MIER1: variants seen among roughly 807,000 people sequenced by gnomAD.
The protein encoded by MIER1 is mesoderm induction early response protein 1.
MIER1 carries 40 observed loss-of-function variants against 75.7 expected under a neutral mutation model. That is an observed-to-expected ratio of 0.53 (90% CI 0.41 to 0.69). MIER1 has a LOEUF of 0.69. Among genes scored for constraint, MIER1 ranks in the 30% least tolerant of loss-of-function variants. The pLI is 0.00. For missense variants in MIER1, 574 were observed against 680.2 expected, an observed-to-expected ratio of 0.84 and a Z score of 1.74; for synonymous variants, 213 against 223.4, an observed-to-expected ratio of 0.95 and a Z score of 0.42.
rs1264479567 is a variant in MIER1 at position 66,985,811 on chromosome 1, A to T, written c.*911A>T. The T allele has an allele frequency of 1.3e-5, 10 of 768,846 alleles. No individual in the cohort carries two copies. In the African/African-American group the frequency reaches 2.4e-4, roughly 19 times the overall value. 47.6% of individuals were successfully genotyped at this position (768,846 alleles called of 1,614,324 possible). On this transcript the variant is annotated 3_prime_UTR_variant, in exon 14 of 14. Transcript: ENST00000401041. ...GGTTAAAGCATTCATAAAGGATTATAAAATTTTTTTTTTTTTTTTTTTTTT... is the reference window on the plus strand; with the variant it reads ...GGTTAAAGCATTCATAAAGGATTATTAAATTTTTTTTTTTTTTTTTTTTTT...
intron 2 of MIER1, among the ~76,000 whole-genome samples, chr1:66,935,330 A>G (rs926645260): frequency 1.3e-5 from 2 of 152,212 alleles, no homozygotes; most frequent in Non-Finnish European, 2.9e-5. Flanking sequence ...GTGAGGGTCA[A>G]CTTGCTATAA....
chr1:66,983,787 G>T (rs901216220), intron 13 of MIER1, among the ~76,000 whole-genome samples: 25 of 152,294 alleles, frequency 1.6e-4, no homozygotes, highest in African/African-American at 6.0e-4. Flanking sequence ...GAATGCAGTG[G>T]CACAATCTCG....
intron 8 of MIER1, among the ~76,000 whole-genome samples, chr1:66,966,357 A>ATC (rs1662403085): frequency 3.3e-5 from 5 of 152,160 alleles, no homozygotes; most frequent in Admixed American, 2.6e-4. Context: ...CCTACAAAGG[A>ATC]CATAAACTCC....
chr1:66,971,475 T>A (rs1243447021), intron 9 of MIER1, among the ~76,000 whole-genome samples, 180 bp from the exon 10 acceptor site: 1 of 152,100 alleles, frequency 6.6e-6, no homozygotes, highest in African/African-American at 2.4e-5. Context: ...TAAAGGTAGT[T>A]GATTTATCAG....
intron 1 of MIER1, chr1:66,925,498 T>C: frequency 1.0e-6 from 1 of 985,408 alleles, no homozygotes; most frequent in Non-Finnish European, 1.2e-6. Context: ...TTGTGTCCCA[T>C]CCCCGGGAGG....
intron 8 of MIER1, among the ~76,000 whole-genome samples, chr1:66,966,488 A>G (rs1025134336): frequency 3.9e-5 from 6 of 152,224 alleles, no homozygotes; most frequent in Admixed American, 1.3e-4. Context: ...TAGTGCCACA[A>G]TAAACATACG....
intron 12 of MIER1, among the ~76,000 whole-genome samples, chr1:66,979,847 C>T (rs986629972): frequency 2.6e-5 from 4 of 151,960 alleles, no homozygotes; most frequent in Admixed American, 2.6e-4. Flanking sequence ...TCACTGCAAC[C>T]TCCACCGCCC....
At chr1:66,971,802 C>T (rs1663656335) in intron 10 of MIER1, 66 bp downstream of exon 10, 3 of 816,808 alleles carry the variant, frequency 3.7e-6, no homozygotes, top group Admixed American at 5.0e-5. Flanking sequence ...TTTCAGTTTA[C>T]CTAGGTATAG....
chr1:66,950,545 A>G (rs1189747825), intron 4 of MIER1, among the ~76,000 whole-genome samples: 3 of 152,202 alleles, frequency 2.0e-5, no homozygotes, highest in Admixed American at 6.5e-5. Context: ...CAAGATTGCA[A>G]TATATTTATG....
chr1:66,964,536 T>TTC (rs1661980540), intron 8 of MIER1, among the ~76,000 whole-genome samples: 1 of 151,514 alleles, frequency 6.6e-6, no homozygotes, highest in African/African-American at 2.4e-5. Flanking sequence ...CACTGCAACT[T>TTC]TCGCCTCTCA....
At chr1:66,962,475 C>T (rs534885476) in intron 7 of MIER1, among the ~76,000 whole-genome samples, 2 of 152,180 alleles carry the variant, frequency 1.3e-5, no homozygotes, top group African/African-American at 4.8e-5. Flanking sequence ...AGTCCTGTCC[C>T]CAGAGTTTCA....
chr1:66,963,657 C>G (rs1394196728), intron 8 of MIER1, among the ~76,000 whole-genome samples: 1 of 152,138 alleles, frequency 6.6e-6, no homozygotes, highest in Non-Finnish European at 1.5e-5. Flanking sequence ...CGCCTGTAAT[C>G]CCAGCACTTT....
In MIER1 at chr1:66,965,157, G is replaced by A. The variant is rs144606542; in HGVS notation, c.772+1997G>A. 2.8e-4 allele frequency among the ~76,000 whole-genome samples: 43 copies of A among 152,250 alleles called. 1 individual carries two copies. The East Asian group carries it at 8.1e-3, about 29-fold the overall frequency. ...TACATATAGAAATTCTGTACATATGGTATGTTCTGTGAACGTATAATTGTG... is the reference window on the plus strand; with the variant it reads ...TACATATAGAAATTCTGTACATATGATATGTTCTGTGAACGTATAATTGTG... On this transcript the variant is annotated intron_variant, in intron 8 of 13. Coordinates refer to ENST00000401041, the MANE Select transcript of MIER1 (RefSeq NM_001077700.3).
At chr1:66,962,283 A>G (rs1484827832) in intron 7 of MIER1, among the ~76,000 whole-genome samples, 3 of 152,070 alleles carry the variant, frequency 2.0e-5, no homozygotes, top group Middle Eastern at 3.2e-3. Context: ...TTCATTTTGT[A>G]TTGTTTTAAT....
At chr1:66,930,844 G>C (rs2101047567) in intron 2 of MIER1, among the ~76,000 whole-genome samples, 1 of 152,206 alleles carries the variant, frequency 6.6e-6, no homozygotes, top group South Asian at 2.1e-4. Flanking sequence ...TGTGTTAGTG[G>C]GGAAAACGTA....
intron 2 of MIER1, chr1:66,930,261 C>A: frequency 2.0e-6 from 3 of 1,526,556 alleles, no homozygotes; most frequent in Middle Eastern, 2.1e-4. Flanking sequence ...TGCGCGTTCC[C>A]GCCGAGGCAG....
chr1:66,937,179 CT>C (rs1655103866), intron 2 of MIER1, among the ~76,000 whole-genome samples: 1 of 152,046 alleles, frequency 6.6e-6, no homozygotes, highest in African/African-American at 2.4e-5. Flanking sequence ...ACCATGGAAC[CT>C]TGATCTAGTC....
chr1:66,957,837 T>C (rs1333658904), intron 4 of MIER1, among the ~76,000 whole-genome samples: 1 of 152,178 alleles, frequency 6.6e-6, no homozygotes, highest in South Asian at 2.1e-4. Flanking sequence ...AAAGATCTTG[T>C]TGTCAGCAAT....
chr1:66,939,991 A>G, intron 2 of MIER1, 37 bp from the exon 3 acceptor site: 3 of 1,550,270 alleles, frequency 1.9e-6, no homozygotes, highest in Non-Finnish European at 2.7e-6. Flanking sequence ...TACATTATAC[A>G]GAAATACTAA....
Sources: allele counts gnomAD v4.1 joint callset (sites outside exome capture counted in the v4.1 genomes callset), GRCh38; gene constraint gnomAD v4.1.1; transcripts MANE v1.5; gene names NCBI Gene and HGNC (gene_info 2026-07-23, HGNC 2026-07-21).